Variants in ABCB9 observed in about 807,000 individuals in gnomAD.
ABCB9 encodes ATP binding cassette subfamily B member 9, also known as ABC-type oligopeptide transporter ABCB9.
Under a neutral mutation model 62.0 loss-of-function variants are expected in ABCB9, and 36 were observed. That is an observed-to-expected ratio of 0.58 (90% CI 0.45 to 0.77). The LOEUF is 0.77. Among genes scored for constraint, ABCB9 ranks in the 30% least tolerant of loss-of-function variants. The pLI is 0.00. For missense variants in ABCB9, 943 were observed against 1,054.7 expected, an observed-to-expected ratio of 0.89 and a Z score of 1.47; for synonymous variants, 435 against 461.4, an observed-to-expected ratio of 0.94 and a Z score of 0.73.
At chr12:122,921,800 G>T (rs1422888931) in intron 11 of ABCB9, among the ~76,000 whole-genome samples, 3 of 151,814 alleles carry the variant, frequency 2.0e-5, no homozygotes, top group Non-Finnish European at 4.4e-5. Flanking sequence ...AAACATTAAA[G>T]AATTAACCTC....
At position 122,929,451 on chromosome 12, in the gene ABCB9, A is replaced by T; in HGVS notation, c.*460T>A. Reference sequence around the variant, plus strand: ...CGGGACAGGGAAGCCCCTTCTCTGGAGGGGTAAAGGGGAGAGGCCTAGTCT... The same window carrying T: ...CGGGACAGGGAAGCCCCTTCTCTGGTGGGGTAAAGGGGAGAGGCCTAGTCT... On this transcript the variant is annotated 3_prime_UTR_variant, in exon 12 of 12. Coordinates refer to ENST00000280560, the MANE Select transcript of ABCB9 (RefSeq NM_019625.4). The surrounding 1 kb of genome is among the most constrained non-coding windows in gnomAD (Gnocchi z 6.0). 4.0e-6 allele frequency: 4 copies of T among 988,178 alleles called. No homozygotes were observed. Among genetic ancestry groups the T allele is most frequent in the Non-Finnish European group, 4.8e-6 (4 of 831,652 alleles). The allele number at this position is 988,178 out of a possible 1,614,324, so 61.2% of individuals were successfully genotyped here. A position where few individuals can be genotyped will look rare whatever the true frequency, so the allele number is the denominator to read the frequency against.
At position 122,959,912 on chromosome 12, in the gene ABCB9, G is replaced by A. The variant is rs2036804000; in HGVS notation, c.324C>T (p.Arg108=). 5 of 1,613,480 alleles carry A rather than the reference G, an allele frequency of 3.1e-6. No homozygotes were observed. In the South Asian group the frequency reaches 4.4e-5, roughly 14 times the overall value. ...AAAACCAGGGGTCCCGGATGGGCCT[G>A]CGCACCTCTGAGAAGAGCAGCAGCT... ...MVKLLLFSEV[R]RPIRDPWFWA... Residue 108 remains arginine, a synonymous_variant, in exon 2 of 12, where the codon CGC becomes CGT. Transcript: ENST00000280560. This position sits in a 1 kb window ranked among gnomAD's most constrained non-coding sequence, Gnocchi z 5.4.
chr12:122,928,468 C>CA (rs60751364), downstream of ABCB9, among the ~76,000 whole-genome samples: 728 of 87,328 alleles, frequency 8.3e-3, 2 homozygotes, highest in East Asian at 0.018. Flanking sequence ...GGCTCTGTCT[C>CA]AAAAAAAAAA....
chr12:122,974,706 G>C (rs2037353398), intron 1 of ABCB9: 1 of 152,434 alleles, frequency 6.6e-6, no homozygotes, highest in Non-Finnish European at 1.5e-5. Flanking sequence ...TTTTGGTGGA[G>C]ACACTCACTG....
At chr12:122,945,574 C>T (rs2035988514) in intron 6 of ABCB9, among the ~76,000 whole-genome samples, 1 of 152,198 alleles carries the variant, frequency 6.6e-6, no homozygotes, top group East Asian at 1.9e-4. Context: ...GAGGGGCAGC[C>T]TTGCTTCTGG....
downstream of ABCB9, chr12:122,924,890 C>T (rs2034849090): frequency 7.1e-7 from 1 of 1,403,750 alleles, no homozygotes; most frequent in African/African-American, 1.4e-5. Flanking sequence ...AGTCATAACT[C>T]TCCACACCCA....
intron 5 of ABCB9, chr12:122,946,554 G>T (rs930593546): frequency 6.4e-5 from 22 of 346,302 alleles, no homozygotes; most frequent in Non-Finnish European, 1.1e-4. Context: ...CAGAAAAGGG[G>T]CCTCAACACC....
In ABCB9 at chr12:122,929,043, C is replaced by T; in HGVS notation, c.*868G>A. The T allele has an allele frequency of 1.0e-6, 1 of 985,922 alleles. No homozygotes were observed. The highest frequency in any genetic ancestry group is 1.7e-5 in the African/African-American group (1 of 57,342). The allele number at this position is 985,922 out of a possible 1,614,324, so 61.1% of individuals were successfully genotyped here. A position where few individuals can be genotyped will look rare whatever the true frequency, so the allele number is the denominator to read the frequency against. On this transcript the variant is annotated 3_prime_UTR_variant, in exon 12 of 12. Coordinates refer to ENST00000280560, the MANE Select transcript of ABCB9 (RefSeq NM_019625.4). This position sits in a 1 kb window ranked among gnomAD's most constrained non-coding sequence, Gnocchi z 6.0. ...TTGACCGGGTTCTCTCAACATGTTG[C>T]AACCTCTGGCAAAGCCAGATCCTGG...
downstream of ABCB9, among the ~76,000 whole-genome samples, chr12:122,920,482 T>C (rs1393233428): frequency 6.6e-6 from 1 of 152,156 alleles, no homozygotes; most frequent in Non-Finnish European, 1.5e-5. Flanking sequence ...GGGCTGCCTG[T>C]GTTCAGTTCC....
rs2035649154 is a variant in ABCB9, at chr12:122,939,823, C to T, written c.1743+288G>A. On this transcript the variant is annotated intron_variant, in intron 9 of 11. Coordinates refer to ENST00000280560, the MANE Select transcript of ABCB9 (RefSeq NM_019625.4). ...CTGGGATTACAGGTGTGGGCCATCA[C>T]ATCTGCCCTTTTTTTCTTTTTTAAT... is the stretch of plus-strand genomic sequence containing the variant. 9.8e-6 allele frequency: 3 copies of T among 306,786 alleles called. No individual in the cohort carries two copies. The South Asian group carries it at 1.7e-4, about 17-fold the overall frequency. The allele number at this position is 306,786 out of a possible 1,614,324, so 19.0% of individuals were successfully genotyped here.
At chr12:122,961,471 C>T (rs961275593) in intron 1 of ABCB9, among the ~76,000 whole-genome samples, 28 of 152,262 alleles carry the variant, frequency 1.8e-4, no homozygotes, top group African/African-American at 6.5e-4. Flanking sequence ...GGATCAAAAG[C>T]GTGAGCCACT....
chr12:122,930,583 T>G lies in ABCB9; in HGVS notation c.2041-412A>C, dbSNP rs918413505. ...CGCCACCATACCCAGCTAATTTTTG[T>G]ATTTTTAGTAGAGACAGGGTTTCAC... is the stretch of plus-strand genomic sequence containing the variant. On this transcript the variant is annotated intron_variant, in intron 11 of 11. Coordinates refer to ENST00000280560, the MANE Select transcript of ABCB9 (RefSeq NM_019625.4). This position sits in a 1 kb window ranked among gnomAD's most constrained non-coding sequence, Gnocchi z 4.9. Among the ~76,000 whole-genome samples, 1 of 152,106 alleles carries G rather than the reference T, an allele frequency of 6.6e-6. No homozygotes were observed. Among genetic ancestry groups the G allele is most frequent in the Non-Finnish European group, 1.5e-5 (1 of 68,024 alleles).
chr12:122,949,357 G>A (rs1364689292), intron 4 of ABCB9: 1 of 186,346 alleles, frequency 5.4e-6, no homozygotes, highest in Non-Finnish European at 1.1e-5. Flanking sequence ...GGAGGAACCA[G>A]GGCTTCGACC....
chr12:122,967,720 C>A (rs1272316439), upstream of ABCB9, among the ~76,000 whole-genome samples: 5 of 152,142 alleles, frequency 3.3e-5, no homozygotes, highest in African/African-American at 4.8e-5. Flanking sequence ...AACTCCTGAC[C>A]TCAAGTGATC....
chr12:122,942,618 CA>C (rs549481027), intron 7 of ABCB9, among the ~76,000 whole-genome samples: 664 of 50,800 alleles, frequency 0.013, 1 homozygote, highest in Non-Finnish European at 0.017. Context: ...GACTCCATCT[CA>C]AAAAAAAAAA....
chr12:122,941,035 C>T (rs766612585), intron 7 of ABCB9, 40 bp from the exon 8 acceptor site: 6 of 1,525,388 alleles, frequency 3.9e-6, no homozygotes, highest in Non-Finnish European at 5.3e-6. Context: ...CACCGATACC[C>T]GACTCCTGGG....
chr12:122,948,477 A>T (rs2135850860), intron 5 of ABCB9, 147 bp downstream of exon 5: 2 of 740,204 alleles, frequency 2.7e-6, no homozygotes, highest in African/African-American at 3.7e-5. Context: ...TTATTTATTG[A>T]ATGAGCGAAG....
chr12:122,955,584 G>A (rs2036576192), intron 2 of ABCB9, among the ~76,000 whole-genome samples: 1 of 152,216 alleles, frequency 6.6e-6, no homozygotes, highest in Non-Finnish European at 1.5e-5. Flanking sequence ...GTCTTGCTAT[G>A]TTGGCCAGAC....
intron 1 of ABCB9, among the ~76,000 whole-genome samples, chr12:122,965,740 T>C (rs887776090): frequency 1.3e-5 from 2 of 151,942 alleles, no homozygotes; most frequent in African/African-American, 4.8e-5. Flanking sequence ...TTTTTTTTTT[T>C]TTCCAGAGGC....
Sources: allele counts gnomAD v4.1 joint callset (sites outside exome capture counted in the v4.1 genomes callset), GRCh38; gene constraint gnomAD v4.1.1; non-coding constraint Gnocchi (gnomAD v3.1); transcripts MANE v1.5; gene names NCBI Gene and HGNC (gene_info 2026-07-23, HGNC 2026-07-21).